TAOK3: variants seen among roughly 807,000 people sequenced by gnomAD.
The protein encoded by TAOK3 is TAO kinase 3, also known as serine/threonine-protein kinase TAO3.
In TAOK3, 40 loss-of-function variants were observed where a neutral mutation model predicts 120.4. The observed-to-expected ratio is 0.33, with a 90% CI of 0.26 to 0.43. The LOEUF is 0.43. Among genes scored for constraint, TAOK3 ranks in the 20% least tolerant of loss-of-function variants. The pLI is 1.00. For synonymous variants in TAOK3, 355 were observed against 387.5 expected, an observed-to-expected ratio of 0.92 and a Z score of 0.99; for missense variants, 821 against 1,112.1, an observed-to-expected ratio of 0.74 and a Z score of 3.72.
At chr12:118,214,412 T>C (rs1051058301) in intron 9 of TAOK3, among the ~76,000 whole-genome samples, 12 of 152,102 alleles carry the variant, frequency 7.9e-5, no homozygotes, top group Admixed American at 4.6e-4. Context: ...TTTCCCACAA[T>C]AGGTATGAAG....
intron 12 of TAOK3, chr12:118,199,684 A>C (rs1423201041): frequency 5.5e-6 from 1 of 182,206 alleles, no homozygotes; most frequent in African/African-American, 2.4e-5. Flanking sequence ...GAAAAAGTAG[A>C]GTGGAAAGAG....
intron 3 of TAOK3, 52 bp from the exon 4 acceptor site, chr12:118,245,017 A>C (rs566810664): frequency 8.2e-7 from 1 of 1,216,374 alleles, no homozygotes; most frequent in East Asian, 2.4e-5. Flanking sequence ...TGTTTCAGCC[A>C]ATTTAACTTA....
chr12:118,179,947 GTTT>G (rs34157387), intron 15 of TAOK3, among the ~76,000 whole-genome samples: 1 of 118,170 alleles, frequency 8.5e-6, no homozygotes, highest in African/African-American at 3.3e-5. Context: ...TGCCTGGCTG[GTTT>G]TTTTTTTTTT....
At chr12:118,230,215 A>G (rs1321940536) in intron 9 of TAOK3, among the ~76,000 whole-genome samples, 1 of 152,116 alleles carries the variant, frequency 6.6e-6, no homozygotes, top group Admixed American at 6.6e-5. Flanking sequence ...AGTATTATTT[A>G]CCAAATGAGC....
intron 2 of TAOK3, among the ~76,000 whole-genome samples, chr12:118,259,157 T>C (rs1196593266): frequency 6.6e-6 from 1 of 152,158 alleles, no homozygotes; most frequent in South Asian, 2.1e-4. Context: ...AATTAATAAC[T>C]TCTTTATCTT....
intron 17 of TAOK3, among the ~76,000 whole-genome samples, chr12:118,168,011 T>A (rs2035719194): frequency 6.6e-6 from 1 of 152,236 alleles, no homozygotes. Context: ...TTATTTCTAT[T>A]GCTTGCAAAT....
At chr12:118,333,175 A>G (rs960726162) in intron 1 of TAOK3, among the ~76,000 whole-genome samples, 5 of 152,228 alleles carry the variant, frequency 3.3e-5, no homozygotes, top group African/African-American at 1.2e-4. Flanking sequence ...CAACAACAGT[A>G]GAATATACAT....
intron 20 of TAOK3, among the ~76,000 whole-genome samples, chr12:118,152,026 G>C (rs2034481477): frequency 6.6e-6 from 1 of 152,168 alleles, no homozygotes; most frequent in African/African-American, 2.4e-5. Flanking sequence ...CTTAGGATGT[G>C]GGGTCAGACA....
intron 1 of TAOK3, among the ~76,000 whole-genome samples, chr12:118,333,789 A>G (rs2141045425): frequency 6.6e-6 from 1 of 152,162 alleles, no homozygotes; most frequent in African/African-American, 2.4e-5. Context: ...AAAAATTAAA[A>G]ATAGAACTAC....
At chr12:118,345,883 T>C (rs1027001840) in intron 1 of TAOK3, among the ~76,000 whole-genome samples, 9 of 152,144 alleles carry the variant, frequency 5.9e-5, no homozygotes, top group Admixed American at 2.6e-4. Context: ...CATGCAACAA[T>C]GCATGCAGGC....
intron 13 of TAOK3, 31 bp from the exon 14 acceptor site, chr12:118,189,972 T>A (rs745327792): frequency 1.2e-6 from 2 of 1,611,280 alleles, no homozygotes; most frequent in African/African-American, 1.3e-5. Flanking sequence ...AAGGAGAAAG[T>A]CCAGCTGTGC....
intron 1 of TAOK3, among the ~76,000 whole-genome samples, chr12:118,325,669 G>T (rs1015115930): frequency 6.6e-6 from 1 of 151,904 alleles, no homozygotes; most frequent in Admixed American, 6.6e-5. Flanking sequence ...TCTGTGGGTT[G>T]TCTCTTTATT....
intron 12 of TAOK3, chr12:118,201,050 C>A: frequency 3.1e-6 from 1 of 327,672 alleles, no homozygotes; most frequent in Non-Finnish European, 5.6e-6. Flanking sequence ...TTCACTAATC[C>A]CACCAGCAGA....
chr12:118,356,094 G>C (rs1202794992), intron 1 of TAOK3, among the ~76,000 whole-genome samples: 1 of 152,152 alleles, frequency 6.6e-6, no homozygotes, highest in African/African-American at 2.4e-5. Flanking sequence ...TCTAAGAATT[G>C]TGTGATACAA....
At chr12:118,181,299 G>C in intron 15 of TAOK3, 72 bp downstream of exon 15, 1 of 1,327,690 alleles carries the variant, frequency 7.5e-7, no homozygotes, top group Non-Finnish European at 1.1e-6. Flanking sequence ...CCTGCCTCTT[G>C]CTAACATCCT....
At chr12:118,196,455 G>A (rs1325960188) in intron 13 of TAOK3, among the ~76,000 whole-genome samples, 3 of 151,280 alleles carry the variant, frequency 2.0e-5, no homozygotes, top group African/African-American at 7.3e-5. Flanking sequence ...AGATATGTCT[G>A]CTTGTGAGCC....
intron 1 of TAOK3, among the ~76,000 whole-genome samples, chr12:118,330,762 C>CA (rs79525282): frequency 0.12 from 12,818 of 106,068 alleles, 800 homozygotes; most frequent in East Asian, 0.31. Flanking sequence ...AAGAGGAGGA[C>CA]AAAAAAAAAA....
intron 17 of TAOK3, among the ~76,000 whole-genome samples, chr12:118,170,054 T>G (rs972370909): frequency 1.3e-5 from 2 of 152,188 alleles, no homozygotes; most frequent in African/African-American, 4.8e-5. Flanking sequence ...AAGTCCTGTT[T>G]ACTTTAAACT....
chr12:118,341,608 C>T (rs1206261845), intron 1 of TAOK3, among the ~76,000 whole-genome samples: 1 of 152,138 alleles, frequency 6.6e-6, no homozygotes, highest in Non-Finnish European at 1.5e-5. Flanking sequence ...AAGTTAAGTA[C>T]TTAGGAGAAA....
Sources: gnomAD v4.1 joint callset for allele counts (sites outside exome capture counted in the v4.1 genomes callset) on GRCh38, gnomAD v4.1.1 for gene constraint, MANE v1.5 for transcripts, NCBI Gene and HGNC (gene_info 2026-07-23, HGNC 2026-07-21) for gene names.